ADTRP: variants seen among roughly 807,000 people sequenced by gnomAD.
ADTRP encodes the protein androgen dependent TFPI regulating protein, also known as androgen-dependent TFPI-regulating protein.
In ADTRP, 20 loss-of-function variants were observed where a neutral mutation model predicts 27.0. That is an observed-to-expected ratio of 0.74 (90% CI 0.52 to 1.08). ADTRP has a LOEUF of 1.08. Among genes scored for constraint, ADTRP ranks in the 50% least tolerant of loss-of-function variants. The pLI is 0.00. For missense variants in ADTRP, 251 were observed against 275.0 expected, an observed-to-expected ratio of 0.91 and a Z score of 0.62; for synonymous variants, 101 against 105.2, an observed-to-expected ratio of 0.96 and a Z score of 0.25.
intron 5 of ADTRP, among the ~76,000 whole-genome samples, chr6:11,720,239 T>C (rs1346765545): frequency 6.6e-6 from 1 of 152,180 alleles, no homozygotes; most frequent in Non-Finnish European, 1.5e-5. Context: ...TATCTATAAG[T>C]TTCCAGAACT....
chr6:11,770,032 T>C, intron 1 of ADTRP: 1 of 1,551,694 alleles, frequency 6.4e-7, no homozygotes, highest in Non-Finnish European at 8.7e-7. Context: ...GAAACAAACC[T>C]GCCTAAAGCT....
intron 1 of ADTRP, among the ~76,000 whole-genome samples, chr6:11,775,624 A>C (rs1045741973): frequency 1.3e-5 from 2 of 152,080 alleles, no homozygotes; most frequent in African/African-American, 4.8e-5. Context: ...CCTTAGTCAG[A>C]AATGGGTCAC....
intron 1 of ADTRP, among the ~76,000 whole-genome samples, chr6:11,774,624 G>T (rs1031336642): frequency 1.3e-5 from 2 of 152,138 alleles, no homozygotes; most frequent in Non-Finnish European, 2.9e-5. Context: ...TGTTGTTGAA[G>T]GGGGTGTCAG....
chr6:11,743,547 G>C (rs1382410560), intron 3 of ADTRP, among the ~76,000 whole-genome samples: 1 of 152,108 alleles, frequency 6.6e-6, no homozygotes, highest in Admixed American at 6.6e-5. Flanking sequence ...AACTCCAGCA[G>C]GTGCCCTTTC....
intron 3 of ADTRP, among the ~76,000 whole-genome samples, chr6:11,756,213 T>C (rs945718303): frequency 6.6e-6 from 1 of 152,078 alleles, no homozygotes; most frequent in Non-Finnish European, 1.5e-5. Flanking sequence ...CACAAAAAAT[T>C]AGCCAGGCGT....
chr6:11,777,574 T>C (rs1004589258), intron 1 of ADTRP, among the ~76,000 whole-genome samples: 1 of 152,186 alleles, frequency 6.6e-6, no homozygotes, highest in Non-Finnish European at 1.5e-5. Flanking sequence ...TAAAATTCCA[T>C]GATTGAAACA....
intron 4 of ADTRP, among the ~76,000 whole-genome samples, chr6:11,729,000 C>T (rs977549805): frequency 1.3e-5 from 2 of 152,216 alleles, no homozygotes; most frequent in African/African-American, 2.4e-5. Flanking sequence ...GTGAGTTGGA[C>T]TGGGTGGGCA....
chr6:11,761,345 C>A (rs182484759), intron 3 of ADTRP, among the ~76,000 whole-genome samples: 2 of 152,214 alleles, frequency 1.3e-5, no homozygotes, highest in East Asian at 3.8e-4. Flanking sequence ...GTATAGTCCA[C>A]AAGGACAGAT....
At position 11,714,446 on chromosome 6, in the gene ADTRP, T is replaced by C. The variant is rs764613147; in HGVS notation, c.*32A>G. On this transcript the variant is annotated 3_prime_UTR_variant, in exon 6 of 6. Coordinates refer to ENST00000414691, the MANE Select transcript of ADTRP (RefSeq NM_032744.4). Reference sequence around the variant, plus strand: ...GATGAGAAAAATCTCTTGTGTTTTCTTCTTTCTTGGTTCTTGGAAAATGGT... The same window carrying C: ...GATGAGAAAAATCTCTTGTGTTTTCCTCTTTCTTGGTTCTTGGAAAATGGT... The C allele has an allele frequency of 4.4e-6, 7 of 1,602,788 alleles. No homozygotes were observed. The East Asian group carries it at 1.6e-4, about 36-fold the overall frequency.
chr6:11,762,381 G>T (rs116628807), intron 3 of ADTRP, among the ~76,000 whole-genome samples: 1 of 152,308 alleles, frequency 6.6e-6, no homozygotes, highest in African/African-American at 2.4e-5. Flanking sequence ...GACTCAACCA[G>T]ATTTAAGATT....
chr6:11,719,675 G>A (rs1252172735), intron 5 of ADTRP, among the ~76,000 whole-genome samples: 4 of 152,226 alleles, frequency 2.6e-5, no homozygotes, highest in Admixed American at 1.3e-4. Flanking sequence ...AGAGATTCCA[G>A]TTGTGTCTCA....
intron 1 of ADTRP, among the ~76,000 whole-genome samples, chr6:11,769,097 C>T (rs564106396): frequency 5.9e-5 from 9 of 152,052 alleles, no homozygotes; most frequent in East Asian, 5.8e-4. Flanking sequence ...GAAAGTAATA[C>T]GATATGGAAG....
intron 2 of ADTRP, among the ~76,000 whole-genome samples, chr6:11,766,783 A>C (rs940643099): frequency 6.6e-6 from 1 of 152,160 alleles, no homozygotes; most frequent in African/African-American, 2.4e-5. Flanking sequence ...TCCACCCTCT[A>C]AATAGGCATG....
chr6:11,744,949 G>A (rs896128646), intron 3 of ADTRP, among the ~76,000 whole-genome samples: 1 of 152,174 alleles, frequency 6.6e-6, no homozygotes, highest in African/African-American at 2.4e-5. Context: ...GTTCTGGAAA[G>A]CACCCTGTAA....
At chr6:11,766,795 C>A (rs544271816) in intron 2 of ADTRP, among the ~76,000 whole-genome samples, 2 of 152,230 alleles carry the variant, frequency 1.3e-5, no homozygotes, top group South Asian at 4.1e-4. Context: ...ATAGGCATGG[C>A]TAGGGGAAGC....
Position 11,768,351 on chromosome 6 carries a change from G to A in ADTRP, c.186C>T (p.Cys62=), listed in dbSNP as rs756214733. 14 of 1,614,036 alleles carry A rather than the reference G, an allele frequency of 8.7e-6. No homozygotes were observed. The highest frequency in any genetic ancestry group is 1.2e-5 in the Non-Finnish European group (14 of 1,180,032). ...TGGTTCTTTTCAGCACATCATCCAG[G>A]CAGGTGACCCCGTAGAAAATGGTCT... ...LLQTIFYGVT[C]LDDVLKRTKG... is the part of the protein sequence containing the mutation. Residue 62 remains cysteine (C), a synonymous_variant, in exon 2 of 6, where the codon TGC becomes TGT. Transcript: ENST00000414691.
intron 3 of ADTRP, chr6:11,754,965 C>T: frequency 1.1e-6 from 1 of 920,512 alleles, no homozygotes; most frequent in Admixed American, 6.2e-5. Flanking sequence ...CTCTTTCCTT[C>T]CACTTAGATT....
At chr6:11,723,243 G>C in intron 5 of ADTRP, 106 bp downstream of exon 5, 2 of 1,425,598 alleles carry the variant, frequency 1.4e-6, no homozygotes, top group Admixed American at 3.8e-5. Context: ...AAGACAGTAA[G>C]CATCATTGCT....
At chr6:11,776,874 C>T (rs1274677139) in intron 1 of ADTRP, among the ~76,000 whole-genome samples, 3 of 152,092 alleles carry the variant, frequency 2.0e-5, no homozygotes, top group African/African-American at 4.8e-5. Context: ...GTTTCCTGAG[C>T]GGCAGGCCAC....
Sources: allele counts gnomAD v4.1 joint callset (sites outside exome capture counted in the v4.1 genomes callset), GRCh38; gene constraint gnomAD v4.1.1; transcripts MANE v1.5; gene names NCBI Gene and HGNC (gene_info 2026-07-23, HGNC 2026-07-21).